CNTN5: variants seen among roughly 807,000 people sequenced by gnomAD.
CNTN5 encodes contactin 5.
In CNTN5, 77 loss-of-function variants were observed where a neutral mutation model predicts 129.1. That is an observed-to-expected ratio of 0.60 (90% CI 0.50 to 0.72). The LOEUF is 0.72. CNTN5 is among the 30% of genes least tolerant of loss of function. The pLI, the probability that CNTN5 is intolerant of heterozygous loss-of-function variation, is 0.00. For synonymous variants in CNTN5, 509 were observed against 465.6 expected (o/e 1.09, Z -1.20); for missense variants, 1,478 against 1,328.8 (o/e 1.11, Z -1.75).
intron 6 of CNTN5, among the ~76,000 whole-genome samples, chr11:99,893,214 A>T (rs1202528842): frequency 6.6e-6 from 1 of 152,172 alleles, no homozygotes; most frequent in Non-Finnish European, 1.5e-5. Context: ...CATCTCCAAT[A>T]TGAACAAAGA....
chr11:99,909,312 C>T (rs1215260288), intron 6 of CNTN5, among the ~76,000 whole-genome samples: 1 of 152,100 alleles, frequency 6.6e-6, no homozygotes, highest in Admixed American at 6.6e-5. Flanking sequence ...CAGGAAACAA[C>T]AGGTGCTGGA....
chr11:99,792,188 G>C (rs907083590), intron 3 of CNTN5, among the ~76,000 whole-genome samples: 1 of 152,006 alleles, frequency 6.6e-6, no homozygotes, highest in African/African-American at 2.4e-5. Flanking sequence ...GTTCTCAAGG[G>C]GCATGCTTTC....
intron 15 of CNTN5, among the ~76,000 whole-genome samples, chr11:100,204,962 A>G (rs114400735): frequency 0.032 from 4,800 of 152,088 alleles, 246 homozygotes; most frequent in African/African-American, 0.11. Flanking sequence ...ACCTTGTAGG[A>G]ATAATATATG....
intron 1 of CNTN5, among the ~76,000 whole-genome samples, chr11:99,187,653 A>G (rs1392851627): frequency 1.3e-5 from 2 of 151,896 alleles, no homozygotes; most frequent in Admixed American, 1.3e-4. Flanking sequence ...CAATATTACT[A>G]CAAACTATAT....
chr11:99,094,566 A>T (rs1388230876), intron 1 of CNTN5, among the ~76,000 whole-genome samples: 1 of 152,020 alleles, frequency 6.6e-6, no homozygotes, highest in African/African-American at 2.4e-5. Context: ...AAAAGATAAG[A>T]CAGCGCTAAC....
intron 2 of CNTN5, among the ~76,000 whole-genome samples, chr11:99,332,097 A>G (rs1866024329): frequency 6.6e-6 from 1 of 152,112 alleles, no homozygotes; most frequent in South Asian, 2.1e-4. Context: ...GTTATATAGC[A>G]ATAGCTAACT....
intron 3 of CNTN5, among the ~76,000 whole-genome samples, chr11:99,673,101 C>T (rs1321144535): frequency 3.3e-5 from 5 of 152,038 alleles, no homozygotes; most frequent in African/African-American, 9.7e-5. Flanking sequence ...TGATCCTCAG[C>T]TTATAAGTTT....
chr11:99,908,038 T>C (rs1028447372), intron 6 of CNTN5, among the ~76,000 whole-genome samples: 1 of 152,068 alleles, frequency 6.6e-6, no homozygotes, highest in African/African-American at 2.4e-5. Flanking sequence ...GTTAAAATCA[T>C]GAAGTTTTTA....
intron 1 of CNTN5, among the ~76,000 whole-genome samples, chr11:99,127,517 A>G (rs1858701312): frequency 6.6e-6 from 1 of 152,134 alleles, no homozygotes; most frequent in African/African-American, 2.4e-5. Flanking sequence ...CACTGCCACT[A>G]GGGTCAGTGC....
chr11:99,862,282 G>C (rs1948230193), intron 6 of CNTN5, among the ~76,000 whole-genome samples: 1 of 152,186 alleles, frequency 6.6e-6, no homozygotes, highest in South Asian at 2.1e-4. Context: ...ATGATCTTTT[G>C]AACTTGAAAC....
chr11:99,806,336 TAAATG>T (rs776221462), intron 3 of CNTN5, among the ~76,000 whole-genome samples: 1 of 152,118 alleles, frequency 6.6e-6, no homozygotes, highest in African/African-American at 2.4e-5. Context: ...CCTAAAAAAA[TAAATG>T]AAGTGTGTCA....
At chr11:99,588,032 T>A (rs1949856815) in intron 3 of CNTN5, among the ~76,000 whole-genome samples, 1 of 152,174 alleles carries the variant, frequency 6.6e-6, no homozygotes, top group African/African-American at 2.4e-5. Flanking sequence ...TTCTCCACTG[T>A]GAGCCCAAAA....
intron 6 of CNTN5, among the ~76,000 whole-genome samples, chr11:99,861,372 C>T (rs1235528848): frequency 1.3e-5 from 2 of 152,102 alleles, no homozygotes; most frequent in Non-Finnish European, 2.9e-5. Context: ...GTAGGTCATG[C>T]TTTCTTAAAA....
intron 7 of CNTN5, among the ~76,000 whole-genome samples, chr11:99,930,577 A>G (rs986792257): frequency 6.6e-6 from 1 of 152,180 alleles, no homozygotes; most frequent in African/African-American, 2.4e-5. Context: ...ATATCTGCCT[A>G]TCTACCTACT....
intron 3 of CNTN5, among the ~76,000 whole-genome samples, chr11:99,814,567 G>C (rs1946523692): frequency 6.7e-6 from 1 of 150,202 alleles, no homozygotes; most frequent in African/African-American, 2.5e-5. Context: ...AGGGGAGAGA[G>C]TTAGCCTGGG....
intron 18 of CNTN5, among the ~76,000 whole-genome samples, chr11:100,288,860 A>G (rs1451975626): frequency 4.1e-4 from 63 of 152,250 alleles, no homozygotes; most frequent in African/African-American, 1.5e-3. Context: ...ATAGACCGCT[A>G]GCAAGACTAA....
At chr11:99,953,598 C>A (rs1382818627) in intron 7 of CNTN5, among the ~76,000 whole-genome samples, 1 of 152,110 alleles carries the variant, frequency 6.6e-6, no homozygotes, top group East Asian at 1.9e-4. Context: ...TTATATGTTA[C>A]AGAAGTAGAC....
rs1382765745 is a variant in CNTN5 at position 100,200,346 on chromosome 11, A to G, written c.1884+6683A>G. ...TCTTCAAGTTGTCCCATATAAAAAG[A>G]CAGGCTTAGCCATCCAATTCATAGG... is the stretch of plus-strand genomic sequence containing the variant. On this transcript the variant is annotated intron_variant, in intron 15 of 24. Transcript: ENST00000524871. 3.3e-5 allele frequency among the ~76,000 whole-genome samples: 5 copies of G among 152,084 alleles called. No homozygotes were observed. In the East Asian group the frequency reaches 9.7e-4, roughly 30 times the overall value.
intron 3 of CNTN5, among the ~76,000 whole-genome samples, chr11:99,703,578 A>G (rs1954621817): frequency 6.6e-6 from 1 of 150,880 alleles, no homozygotes; most frequent in South Asian, 2.1e-4. Flanking sequence ...AGATGAGGAA[A>G]TTTGTAAATC....
Sources: allele counts gnomAD v4.1 joint callset (sites outside exome capture counted in the v4.1 genomes callset), GRCh38; gene constraint gnomAD v4.1.1; transcripts MANE v1.5; gene names NCBI Gene and HGNC (gene_info 2026-07-23, HGNC 2026-07-21).